CUL2: variants seen among roughly 807,000 people sequenced by gnomAD.
The protein encoded by CUL2 is cullin 2.
A neutral mutation model predicts 110.2 loss-of-function variants in CUL2; 22 were observed. The observed-to-expected ratio is 0.20, with a 90% CI of 0.14 to 0.28. The LOEUF (loss-of-function observed/expected upper bound fraction) is 0.28. Among genes scored for constraint, CUL2 ranks in the 10% least tolerant of loss-of-function variants. The pLI is 1.00. For missense variants in CUL2, 631 were observed against 905.5 expected, an observed-to-expected ratio of 0.70 and a Z score of 3.89; for synonymous variants, 279 against 293.2, an observed-to-expected ratio of 0.95 and a Z score of 0.49.
chr10:35,009,201 T>TCATA lies in CUL2; in HGVS notation c.*1109_*1110insTATG. The TCATA allele has an allele frequency of 7.3e-6, 1 of 137,886 alleles. No homozygotes were observed. The highest frequency in any genetic ancestry group is 2.1e-4 in the East Asian group (1 of 4,758). The allele number at this position is 137,886 out of a possible 1,614,324, so 8.5% of individuals were successfully genotyped here. ...CTGTTGAGATATATATATATATATA[T>TCATA]TATATATATATATATATATAAAATA... On this transcript the variant is annotated 3_prime_UTR_variant, in exon 21 of 21. Coordinates refer to ENST00000374749, the MANE Select transcript of CUL2 (RefSeq NM_003591.4).
chr10:35,024,554 T>C (rs1284523945), intron 17 of CUL2, among the ~76,000 whole-genome samples: 1 of 152,232 alleles, frequency 6.6e-6, no homozygotes, highest in Non-Finnish European at 1.5e-5. Context: ...TTCAGGCAAC[T>C]CCACACACAG....
chr10:35,012,332 TTAAGG>T (rs1348711384), intron 19 of CUL2, among the ~76,000 whole-genome samples: 1 of 152,190 alleles, frequency 6.6e-6, no homozygotes, highest in Non-Finnish European at 1.5e-5. Flanking sequence ...AACTGTACTG[TTAAGG>T]TAAAGAGGCA....
At chr10:35,115,186 C>T (rs779456695) in intron 1 of CUL2, among the ~76,000 whole-genome samples, 8 of 149,404 alleles carry the variant, frequency 5.4e-5, no homozygotes, top group Non-Finnish European at 8.9e-5. Context: ...TGCAGTGAGC[C>T]GAGGTCATGC....
At chr10:35,111,230 A>G (rs2087520035) in intron 1 of CUL2, among the ~76,000 whole-genome samples, 1 of 152,130 alleles carries the variant, frequency 6.6e-6, no homozygotes, top group Non-Finnish European at 1.5e-5. Flanking sequence ...ATGATTCTTT[A>G]AGAATCACTC....
chr10:35,056,707 G>A (rs967766353), intron 4 of CUL2, among the ~76,000 whole-genome samples: 6 of 152,114 alleles, frequency 3.9e-5, no homozygotes, highest in Non-Finnish European at 5.9e-5. Context: ...CGTCAGGAGC[G>A]GTGCTCCCTC....
chr10:35,025,957 A>G (rs941987399), intron 16 of CUL2, among the ~76,000 whole-genome samples: 7 of 152,218 alleles, frequency 4.6e-5, no homozygotes, highest in African/African-American at 1.7e-4. Context: ...TAAAGCTTTT[A>G]TTTGTATATC....
At chr10:35,124,614 C>T (rs777989878) in intron 1 of CUL2, among the ~76,000 whole-genome samples, 4 of 152,074 alleles carry the variant, frequency 2.6e-5, no homozygotes, top group African/African-American at 7.2e-5. Flanking sequence ...ATGTGCAACC[C>T]GGAATTGGCA....
At chr10:35,033,728 C>A (rs1307662305) in intron 10 of CUL2, among the ~76,000 whole-genome samples, 2 of 145,516 alleles carry the variant, frequency 1.4e-5, no homozygotes, top group East Asian at 4.0e-4. Flanking sequence ...CAGAGTGAGA[C>A]TCCGTCTCAG....
At chr10:35,057,257 T>C (rs2086260540) in intron 4 of CUL2, among the ~76,000 whole-genome samples, 2 of 152,220 alleles carry the variant, frequency 1.3e-5, no homozygotes, top group African/African-American at 4.8e-5. Context: ...AAACCAGTAT[T>C]ATCTTTTCCT....
chr10:35,008,628 T>C lies in CUL2; in HGVS notation c.*1683A>G, dbSNP rs2084819382. On this transcript the variant is annotated 3_prime_UTR_variant, in exon 21 of 21. Transcript: ENST00000374749. ...TTTTGACAGTGAATGTACAATATTATATGGTTTGCCATTATTTCCTCTTTT... is the reference window on the plus strand; with the variant it reads ...TTTTGACAGTGAATGTACAATATTACATGGTTTGCCATTATTTCCTCTTTT... 1 of 152,246 alleles carries C rather than the reference T, an allele frequency of 6.6e-6. No individual in the cohort carries two copies. The highest frequency in any genetic ancestry group is 2.4e-5 in the African/African-American group (1 of 41,462). 9.4% of individuals were successfully genotyped at this position (152,246 alleles called of 1,614,324 possible).
intron 5 of CUL2, among the ~76,000 whole-genome samples, chr10:35,052,478 A>G (rs1464881519): frequency 1.3e-5 from 2 of 152,240 alleles, no homozygotes; most frequent in Non-Finnish European, 2.9e-5. Context: ...CTCCATGAGC[A>G]TAAGATTTTT....
intron 1 of CUL2, among the ~76,000 whole-genome samples, chr10:35,076,651 G>A (rs1035657807): frequency 6.6e-6 from 1 of 152,046 alleles, no homozygotes; most frequent in Non-Finnish European, 1.5e-5. Context: ...ACATATATGT[G>A]ATTTGTTACT....
intron 1 of CUL2, among the ~76,000 whole-genome samples, chr10:35,105,399 C>A (rs570994761): frequency 6.6e-6 from 1 of 150,566 alleles, no homozygotes; most frequent in Admixed American, 6.6e-5. Flanking sequence ...GCACTCCAGC[C>A]TGGGCGACAG....
intron 17 of CUL2, among the ~76,000 whole-genome samples, chr10:35,021,878 GGGTGA>G (rs1410842151): frequency 1.6e-5 from 2 of 127,730 alleles, no homozygotes; most frequent in Non-Finnish European, 3.4e-5. Flanking sequence ...GGGTGAGGTG[GGGTGA>G]GGTGGGGTGA....
chr10:35,073,321 A>C (rs1184088535), intron 1 of CUL2, among the ~76,000 whole-genome samples: 1 of 152,174 alleles, frequency 6.6e-6, no homozygotes, highest in Non-Finnish European at 1.5e-5. Flanking sequence ...GCTCTAAATA[A>C]GGGAATTAAC....
At chr10:35,095,553 G>C (rs532536952), upstream of CUL2, among the ~76,000 whole-genome samples, 1 of 151,664 alleles carries the variant, frequency 6.6e-6, no homozygotes, top group Non-Finnish European at 1.5e-5. Flanking sequence ...TAATTATTTT[G>C]TGTGTGTGTG....
At chr10:35,042,005 G>A (rs1185436603) in intron 8 of CUL2, among the ~76,000 whole-genome samples, 1 of 151,984 alleles carries the variant, frequency 6.6e-6, no homozygotes, top group Non-Finnish European at 1.5e-5. Flanking sequence ...TTTAAATTGT[G>A]GTAAAAACAT....
chr10:35,074,729 C>T (rs182205026), intron 1 of CUL2, among the ~76,000 whole-genome samples: 86 of 152,278 alleles, frequency 5.6e-4, no homozygotes, highest in Middle Eastern at 3.4e-3. Context: ...TCAAGTGATC[C>T]GCCCGCCTTG....
intron 5 of CUL2, among the ~76,000 whole-genome samples, chr10:35,054,210 T>C (rs1274563315): frequency 6.6e-6 from 1 of 152,224 alleles, no homozygotes; most frequent in Non-Finnish European, 1.5e-5. Context: ...CCATTAACTC[T>C]ATCATTCATC....
Sources: gnomAD v4.1 joint callset for allele counts (sites outside exome capture counted in the v4.1 genomes callset) on GRCh38, gnomAD v4.1.1 for gene constraint, MANE v1.5 for transcripts, NCBI Gene and HGNC (gene_info 2026-07-23, HGNC 2026-07-21) for gene names.